TCHP: variants seen among roughly 807,000 people sequenced by gnomAD.
TCHP encodes trichoplein keratin filament-binding protein.
A neutral mutation model predicts 88.7 loss-of-function variants in TCHP; 81 were observed. The observed-to-expected ratio is 0.91, with a 90% CI of 0.76 to 1.10. The LOEUF is 1.10. Among genes scored for constraint, TCHP ranks in the 50% least tolerant of loss-of-function variants. The pLI is 0.00. For synonymous variants in TCHP, 232 were observed against 232.5 expected, an observed-to-expected ratio of 1.00 and a Z score of 0.02; for missense variants, 641 against 632.1, an observed-to-expected ratio of 1.01 and a Z score of -0.15.
At chr12:109,909,990 C>T (rs1218265649) in intron 8 of TCHP, among the ~76,000 whole-genome samples, 1 of 151,880 alleles carries the variant, frequency 6.6e-6, no homozygotes, top group Admixed American at 6.6e-5. Flanking sequence ...ACAACAAAAA[C>T]TAGCCAGGCA....
At position 109,911,202 on chromosome 12, in the gene TCHP, G is replaced by T; in HGVS notation, c.1019G>T (p.Arg340Leu). The change falls in exon 9 of 13, where the codon CGG becomes CTG. Residue 340 changes from arginine (R) to leucine (L), a missense_variant. Transcript: ENST00000405876. ...ATTGAGGAGCAGCTGCAGCTGGAGC[G>T]GGCGCGGGAGGCAGAGCTGCAGATG... ...QAIEEQLQLE[R>L]AREAELQMLL... 1 of 1,585,354 alleles carries T rather than the reference G, an allele frequency of 6.3e-7. No homozygotes were observed. The highest frequency in any genetic ancestry group is 1.8e-5 in the Admixed American group (1 of 55,380).
rs1482892121 is a variant in TCHP at position 109,903,449 on chromosome 12, C to G, written c.188+235C>G. On this transcript the variant is annotated intron_variant, in intron 2 of 12. Transcript: ENST00000405876. This position sits in a 1 kb window ranked among gnomAD's most constrained non-coding sequence, Gnocchi z 4.6. ...TAGAATTTGGAAGCCTGGTTGTAAC[C>G]CCATATCCCCAGAGACAGCCACAGT... Among the ~76,000 whole-genome samples the G allele has an allele frequency of 6.6e-6, 1 of 152,148 alleles. No individual in the cohort carries two copies. The highest frequency in any genetic ancestry group is 1.5e-5 in the Non-Finnish European group (1 of 68,036).
At chr12:109,902,253 C>T (rs1029672716) in intron 1 of TCHP, among the ~76,000 whole-genome samples, 3 of 152,096 alleles carry the variant, frequency 2.0e-5, no homozygotes, top group African/African-American at 4.8e-5. Context: ...TCGCTACAGC[C>T]GTGACCTCCT....
At chr12:109,909,426 T>C (rs1870356673) in intron 8 of TCHP, among the ~76,000 whole-genome samples, 1 of 152,270 alleles carries the variant, frequency 6.6e-6, no homozygotes, top group South Asian at 2.1e-4. Flanking sequence ...TCTTTCTAGA[T>C]GTATTTACAT....
At chr12:109,904,420 C>T (rs959558104) in intron 3 of TCHP, among the ~76,000 whole-genome samples, 1 of 152,130 alleles carries the variant, frequency 6.6e-6, no homozygotes, top group Non-Finnish European at 1.5e-5. Flanking sequence ...TCTGTTTTAC[C>T]TTCCAAAGTA....
intron 11 of TCHP, chr12:109,914,872 C>A: frequency 2.1e-6 from 1 of 473,384 alleles, no homozygotes; most frequent in Non-Finnish European, 3.8e-6. Context: ...TCTGCTTCTG[C>A]AAGCAGTTGG....
At chr12:109,886,670 T>C in the TCHP span, among the ~76,000 whole-genome samples, 1 of 152,098 alleles carries the variant, frequency 6.6e-6, no homozygotes, top group Admixed American at 6.5e-5. Flanking sequence ...AACCAAGATC[T>C]AGATGTGCTT....
In TCHP at chr12:109,905,457, C is replaced by T. The variant is rs1010045505; in HGVS notation, c.456+664C>T. 2.0e-5 allele frequency among the ~76,000 whole-genome samples: 3 copies of T among 152,156 alleles called. No individual in the cohort carries two copies. Among genetic ancestry groups the T allele is most frequent in the Non-Finnish European group, 4.4e-5 (3 of 68,036 alleles). ...TCCCAGCTGCATTTCAGAGAGACTC[C>T]TCTGGTAGCAATGTGCCCGCCGACA... On this transcript the variant is annotated intron_variant, in intron 4 of 12. Coordinates refer to ENST00000405876, the MANE Select transcript of TCHP (RefSeq NM_001143852.2). This position sits in a 1 kb window ranked among gnomAD's most constrained non-coding sequence, Gnocchi z 4.0.
At chr12:109,894,680 G>A in the TCHP span, among the ~76,000 whole-genome samples, 3 of 145,544 alleles carry the variant, frequency 2.1e-5, no homozygotes, top group East Asian at 2.0e-4. Flanking sequence ...CAGGAGAATC[G>A]CTTAAACCCA....
chr12:109,904,773 A>G lies in TCHP; in HGVS notation c.436A>G (p.Asn146Asp). 1 of 1,613,668 alleles carries G rather than the reference A, an allele frequency of 6.2e-7. No homozygotes were observed. Among genetic ancestry groups the G allele is most frequent in the Non-Finnish European group, 8.5e-7 (1 of 1,179,864 alleles). ...EQLLYEHWKKNNPKLREMELD... is the reference protein window; with the variant it reads ...EQLLYEHWKKDNPKLREMELD... ...ACTTTTGTACGAACACTGGAAAAAG[A>G]ACAACCCGAAACTTCGAGAGGTGAA... Residue 146 changes from asparagine (N) to aspartate (D), a missense_variant, in exon 4 of 13, where the codon AAC becomes GAC. By Grantham distance (23) the Asn-to-Asp change is conservative. Coordinates refer to ENST00000405876, the MANE Select transcript of TCHP (RefSeq NM_001143852.2).
intron 10 of TCHP, among the ~76,000 whole-genome samples, chr12:109,913,493 CTG>C (rs2136081649): frequency 6.6e-6 from 1 of 152,308 alleles, no homozygotes; most frequent in African/African-American, 2.4e-5. Context: ...TATGGGTGTG[CTG>C]TGTTGTTCTA....
rs778912232 is a variant in TCHP, at chr12:109,908,620, T to G, written c.734T>G (p.Leu245Trp). ...TKLKKEQENL[L>W]KQRWELERLE... ...CTAAAGAAGGAGCAGGAGAATCTGT[T>G]GAAGCAGCGGTGGGAGCTAGAGAGG... The change falls in exon 7 of 13, where the codon TTG becomes TGG. Residue 245 changes from leucine (L) to tryptophan (W), a missense_variant. Coordinates refer to ENST00000405876, the MANE Select transcript of TCHP (RefSeq NM_001143852.2). 3.7e-6 allele frequency: 6 copies of G among 1,602,866 alleles called. No homozygotes were observed. The highest frequency in any genetic ancestry group is 5.1e-6 in the Non-Finnish European group (6 of 1,176,094).
rs1199888767 is a variant in TCHP, at chr12:109,916,875, A to G, written c.*252A>G. 18 of 483,580 alleles carry G rather than the reference A, an allele frequency of 3.7e-5. No homozygotes were observed. Among genetic ancestry groups the G allele is most frequent in the Non-Finnish European group, 6.6e-5 (18 of 274,480 alleles). The allele number at this position is 483,580 out of a possible 1,614,324, so 30.0% of individuals were successfully genotyped here. A position where few individuals can be genotyped will look rare whatever the true frequency, so the allele number is the denominator to read the frequency against. ...GGGCACGTGTTTACAGCGCTGCTGC[A>G]TAGTCTTGTAATATATTAACAGTCA... On this transcript the variant is annotated 3_prime_UTR_variant, in exon 13 of 13. Coordinates refer to ENST00000405876, the MANE Select transcript of TCHP (RefSeq NM_001143852.2).
At chr12:109,900,081 A>G (rs1869689395), upstream of TCHP, among the ~76,000 whole-genome samples, 1 of 152,140 alleles carries the variant, frequency 6.6e-6, no homozygotes, top group East Asian at 1.9e-4. Flanking sequence ...CCTGGTTTCC[A>G]CCTTCACCTT....
At chr12:109,887,290 T>G in the TCHP span, among the ~76,000 whole-genome samples, 15 of 151,338 alleles carry the variant, frequency 9.9e-5, no homozygotes, top group Non-Finnish European at 1.6e-4. Context: ...GGTGTGGTGG[T>G]GCAAGCCTGT....
In TCHP at chr12:109,903,563, G is replaced by A. The variant is rs1173353723; in HGVS notation, c.188+349G>A. On this transcript the variant is annotated intron_variant, in intron 2 of 12. Coordinates refer to ENST00000405876, the MANE Select transcript of TCHP (RefSeq NM_001143852.2). This position sits in a 1 kb window ranked among gnomAD's most constrained non-coding sequence, Gnocchi z 4.6. ...CACAAAGCTACTTTTATAGAAATAC[G>A]TGTAAAAACATGGAGGCCAAAAGCA... 2.0e-5 allele frequency among the ~76,000 whole-genome samples: 3 copies of A among 152,072 alleles called. No individual in the cohort carries two copies. The highest frequency in any genetic ancestry group is 1.5e-5 in the Non-Finnish European group (1 of 68,036).
At chr12:109,909,676 C>T (rs150450379) in intron 8 of TCHP, among the ~76,000 whole-genome samples, 1,526 of 152,042 alleles carry the variant, frequency 0.01, 28 homozygotes, top group Middle Eastern at 0.037. Flanking sequence ...AAAAACTAGC[C>T]GGACATGGCC....
rs955365938 is a variant in TCHP, at chr12:109,914,526, C to A, written c.1219C>A (p.Gln407Lys). The A allele has an allele frequency of 6.2e-7, 1 of 1,614,058 alleles. No individual in the cohort carries two copies. The highest frequency in any genetic ancestry group is 8.5e-7 in the Non-Finnish European group (1 of 1,179,944). Residue 407 changes from glutamine (Q) to lysine (K), a missense_variant, in exon 11 of 13, where the codon CAA becomes AAA. Transcript: ENST00000405876. ...AQEESLKHREQLIRNLEEVRE... is the reference protein window; with the variant it reads ...AQEESLKHREKLIRNLEEVRE... ...AGAGGAATCCCTGAAACACAGGGAG[C>A]AACTTATTCGAAATCTTGAGGAGGT...
chr12:109,885,160 G>A, the TCHP span, among the ~76,000 whole-genome samples: 1 of 152,160 alleles, frequency 6.6e-6, no homozygotes, highest in Non-Finnish European at 1.5e-5. Context: ...GGTAGAGATG[G>A]GTTTTCACCA....
Sources: gnomAD v4.1 joint callset for allele counts (sites outside exome capture counted in the v4.1 genomes callset) on GRCh38, gnomAD v4.1.1 for gene constraint, Gnocchi (gnomAD v3.1) non-coding constraint, MANE v1.5 for transcripts, NCBI Gene and HGNC (gene_info 2026-07-23, HGNC 2026-07-21) for gene names.